Variants in MARCHF4 observed in about 807,000 individuals in gnomAD.
The protein encoded by MARCHF4 is E3 ubiquitin-protein ligase MARCHF4.
In MARCHF4, 14 loss-of-function variants were observed where a neutral mutation model predicts 43.9. The observed-to-expected ratio is 0.32, with a 90% CI of 0.21 to 0.50. The LOEUF is 0.50. Among genes scored for constraint, MARCHF4 ranks in the 20% least tolerant of loss-of-function variants. MARCHF4 has a pLI of 0.98. For synonymous variants in MARCHF4, 226 were observed against 213.3 expected (o/e 1.06, Z -0.52); for missense variants, 468 against 536.7 (o/e 0.87, Z 1.27).
intron 1 of MARCHF4, among the ~76,000 whole-genome samples, chr2:216,354,932 T>G (rs987130294): frequency 8.9e-5 from 12 of 134,590 alleles, no homozygotes; most frequent in African/African-American, 3.2e-4. Flanking sequence ...TCTTTCTTTC[T>G]TTCTTTCTTT....
intron 3 of MARCHF4, among the ~76,000 whole-genome samples, chr2:216,263,802 A>G (rs1690798523): frequency 6.6e-6 from 1 of 152,130 alleles, no homozygotes; most frequent in Admixed American, 6.5e-5. Context: ...GAGGGAACAC[A>G]CAGAGAGGAG....
At chr2:216,325,173 A>C (rs1321028431) in intron 1 of MARCHF4, among the ~76,000 whole-genome samples, 1 of 152,210 alleles carries the variant, frequency 6.6e-6, no homozygotes, top group Non-Finnish European at 1.5e-5. Flanking sequence ...CACCAACAAG[A>C]GACAAACAGA....
chr2:216,293,618 G>T (rs1269162635), intron 1 of MARCHF4, among the ~76,000 whole-genome samples: 1 of 135,102 alleles, frequency 7.4e-6, no homozygotes, highest in African/African-American at 2.5e-5. Context: ...AAAACAAACA[G>T]ATCCAAGCCA....
intron 1 of MARCHF4, among the ~76,000 whole-genome samples, chr2:216,361,303 A>G (rs1692574849): frequency 6.6e-6 from 1 of 152,156 alleles, no homozygotes; most frequent in African/African-American, 2.4e-5. Flanking sequence ...AAAAGGGAAC[A>G]ACATTCTTAC....
intron 1 of MARCHF4, among the ~76,000 whole-genome samples, chr2:216,311,502 C>T (rs983909457): frequency 1.4e-4 from 22 of 152,194 alleles, no homozygotes; most frequent in African/African-American, 4.8e-4. Flanking sequence ...AAGTGACCCA[C>T]CTGCCTTGGC....
At chr2:216,348,507 A>T (rs1692355241) in intron 1 of MARCHF4, among the ~76,000 whole-genome samples, 1 of 152,182 alleles carries the variant, frequency 6.6e-6, no homozygotes, top group Non-Finnish European at 1.5e-5. Context: ...CCCTCCTACC[A>T]GTGCCATGAC....
intron 1 of MARCHF4, among the ~76,000 whole-genome samples, chr2:216,338,763 G>C (rs183036351): frequency 1.3e-5 from 2 of 152,220 alleles, no homozygotes; most frequent in Admixed American, 6.5e-5. Flanking sequence ...GCTGAACTAG[G>C]ATACTCATGG....
At chr2:216,337,415 G>A (rs1287591692) in intron 1 of MARCHF4, among the ~76,000 whole-genome samples, 1 of 151,876 alleles carries the variant, frequency 6.6e-6, no homozygotes, top group Non-Finnish European at 1.5e-5. Context: ...TACTACTTTA[G>A]TAAACACACA....
intron 1 of MARCHF4, among the ~76,000 whole-genome samples, chr2:216,331,568 C>G (rs1352381691): frequency 6.6e-6 from 1 of 152,106 alleles, no homozygotes; most frequent in Non-Finnish European, 1.5e-5. Flanking sequence ...AAGAATGTAG[C>G]ACAAAACTTA....
chr2:216,310,206 C>G (rs942180117), intron 1 of MARCHF4, among the ~76,000 whole-genome samples: 2 of 152,184 alleles, frequency 1.3e-5, no homozygotes, highest in Non-Finnish European at 2.9e-5. Context: ...GAGTCTCCAT[C>G]CTTGCTGAGG....
chr2:216,326,815 G>A (rs1367513673), intron 1 of MARCHF4, among the ~76,000 whole-genome samples: 16 of 146,232 alleles, frequency 1.1e-4, no homozygotes, highest in Non-Finnish European at 1.6e-4. Context: ...CTGTTGTGGG[G>A]TGGAGGGAGG....
Position 216,370,231 on chromosome 2 carries a change from C to G in MARCHF4, c.30G>C (p.Trp10Cys). The change falls in exon 1 of 4, where the codon TGG becomes TGC. Residue 10 changes from tryptophan (W) to cysteine (C), a missense_variant. Physicochemically the swap from Trp to Cys is radical, Grantham distance 215. This residue lies in a region of MARCHF4 where 190 missense variants were observed against 158.5 expected (regional missense o/e 1.20). Coordinates refer to ENST00000273067, the MANE Select transcript of MARCHF4 (RefSeq NM_020814.3). MLMPLCGLL[W>C]WWWCCCSGWY... is the part of the protein sequence containing the mutation. Reference sequence around the variant, plus strand: ...AGCCGGAGCAGCAGCACCACCACCACCAGAGCAGCCCACACAGGGGCATCA... The same window carrying G: ...AGCCGGAGCAGCAGCACCACCACCAGCAGAGCAGCCCACACAGGGGCATCA... 1 of 1,607,604 alleles carries G rather than the reference C, an allele frequency of 6.2e-7. No individual in the cohort carries two copies. Among genetic ancestry groups the G allele is most frequent in the Non-Finnish European group, 8.5e-7 (1 of 1,175,420 alleles).
At chr2:216,328,248 C>T (rs1239011546) in intron 1 of MARCHF4, among the ~76,000 whole-genome samples, 1 of 152,226 alleles carries the variant, frequency 6.6e-6, no homozygotes, top group Non-Finnish European at 1.5e-5. Context: ...TGGCTCACTG[C>T]AACCTCCACC....
chr2:216,364,921 G>A (rs1197514714), intron 1 of MARCHF4, among the ~76,000 whole-genome samples: 1 of 152,206 alleles, frequency 6.6e-6, no homozygotes, highest in African/African-American at 2.4e-5. Flanking sequence ...AATATATTTT[G>A]TTTAACAGTT....
chr2:216,366,448 T>C (rs1258567100), intron 1 of MARCHF4, among the ~76,000 whole-genome samples: 2 of 152,232 alleles, frequency 1.3e-5, no homozygotes, highest in African/African-American at 2.4e-5. Context: ...GGCTACTCAG[T>C]AGCTTTCTAG....
chr2:216,352,529 G>GT (rs1471127801), intron 1 of MARCHF4, among the ~76,000 whole-genome samples: 3 of 152,046 alleles, frequency 2.0e-5, no homozygotes, highest in Admixed American at 6.5e-5. Context: ...TTTTGTTGTT[G>GT]TTTTTTTAAT....
rs766933073 is a variant in MARCHF4 at position 216,259,675 on chromosome 2, G to A, written c.870C>T (p.Leu290=). The change falls in exon 4 of 4, where the codon CTC becomes CTT. Residue 290 remains leucine, a synonymous_variant. Transcript: ENST00000273067. ...ACACCGAGGGTCCTTCATGGATGAT[G>A]AGACCTGAGGCAGCAGGGAGAGGAG... ...YGFMDVVCIG[L]IIHEGPSVYR... is the part of the protein sequence containing the mutation. 2.5e-6 allele frequency: 4 copies of A among 1,612,628 alleles called. No individual in the cohort carries two copies. Among genetic ancestry groups the A allele is most frequent in the Non-Finnish European group, 8.5e-7 (1 of 1,178,748 alleles).
At chr2:216,360,875 G>GGTCTCAAATTCCAGGGCTC (rs57966415) in intron 1 of MARCHF4, among the ~76,000 whole-genome samples, 1 of 151,860 alleles carries the variant, frequency 6.6e-6, no homozygotes, top group Non-Finnish European at 1.5e-5. Flanking sequence ...TGCCCAGGCT[G>GGTCTCAAATTCCAGGGCTC]GTCTCAAATT....
At chr2:216,287,431 A>C (rs914929338) in intron 1 of MARCHF4, among the ~76,000 whole-genome samples, 7 of 152,176 alleles carry the variant, frequency 4.6e-5, no homozygotes, top group Non-Finnish European at 1.0e-4. Flanking sequence ...AAAGGGCACC[A>C]GACACTTCCT....
Sources: allele counts gnomAD v4.1 joint callset (sites outside exome capture counted in the v4.1 genomes callset), GRCh38; gene constraint gnomAD v4.1.1; regional missense constraint gnomAD v4.1.1; transcripts MANE v1.5; gene names NCBI Gene and HGNC (gene_info 2026-07-23, HGNC 2026-07-21).